The following EFL1 variants were observed in gnomAD, a reference collection of about 807,000 sequenced individuals.
The protein encoded by EFL1 is elongation factor-like GTPase 1.
A neutral mutation model predicts 126.7 loss-of-function variants in EFL1; 76 were observed. That is an observed-to-expected ratio of 0.60 (90% confidence interval 0.50 to 0.73). EFL1 has a LOEUF of 0.73. EFL1 is among the 30% of genes least tolerant of loss of function. The probability of loss-of-function intolerance (pLI) is 0.00; values close to 1 mark genes in which losing one functional copy is unlikely to be tolerated. For synonymous variants in EFL1, 410 were observed against 448.4 expected (o/e 0.91, Z 1.08); for missense variants, 1,128 against 1,343.2 (o/e 0.84, Z 2.50).
intron 15 of EFL1, among the ~76,000 whole-genome samples, chr15:82,210,546 C>T (rs2074573012): frequency 6.6e-6 from 1 of 152,144 alleles, no homozygotes; most frequent in Non-Finnish European, 1.5e-5. Flanking sequence ...CTTTAGCCCC[C>T]AGGCTTTGGG....
chr15:82,220,168 T>C lies in EFL1; in HGVS notation c.1354A>G (p.Lys452Glu). Residue 452 changes from lysine (K) to glutamate (E), a missense_variant, in exon 13 of 20, where the codon AAG (lysine) becomes GAG (glutamate). By Grantham distance (56) the Lys-to-Glu change is moderately conservative. Around this residue, in one of 6 missense-constraint regions of EFL1, gnomAD observed 120 missense variants for 142.1 expected, o/e 0.84. Coordinates refer to ENST00000268206, the MANE Select transcript of EFL1 (RefSeq NM_024580.6). The stretch of plus-strand genomic sequence containing the variant: ...GCCTGTCCCTGTGCTGCTGCAAGCT[T>C]CTCTGCATGCCTTTGTCTTGCACGC... ...RERARQRHAE[K>E]LAAAQGQAPL... 1 of 1,613,824 alleles carries C rather than the reference T, an allele frequency of 6.2e-7. No homozygotes were observed. The highest frequency in any genetic ancestry group is 8.5e-7 in the Non-Finnish European group (1 of 1,179,850).
At chr15:82,222,734 A>G (rs1444783483) in intron 12 of EFL1, among the ~76,000 whole-genome samples, 2 of 152,190 alleles carry the variant, frequency 1.3e-5, no homozygotes, top group Non-Finnish European at 2.9e-5. Flanking sequence ...GAACAAAGAA[A>G]TTTAATTACA....
chr15:82,234,465 T>C (rs1343708942), intron 7 of EFL1, among the ~76,000 whole-genome samples: 2 of 152,162 alleles, frequency 1.3e-5, no homozygotes, highest in Non-Finnish European at 2.9e-5. Context: ...CATATATGCA[T>C]TACTTCAATT....
chr15:82,182,478 T>C (rs1247881408), intron 15 of EFL1, among the ~76,000 whole-genome samples: 1 of 152,156 alleles, frequency 6.6e-6, no homozygotes, highest in Non-Finnish European at 1.5e-5. Context: ...TGAAGTATTA[T>C]TCTGTTAGAA....
chr15:82,229,100 T>G lies in EFL1; in HGVS notation c.866A>C (p.Lys289Thr). The G allele has an allele frequency of 6.2e-7, 1 of 1,611,004 alleles. No individual in the cohort carries two copies. Among genetic ancestry groups the G allele is most frequent in the Non-Finnish European group, 8.5e-7 (1 of 1,179,442 alleles). Residue 289 changes from lysine to threonine, a missense_variant, in exon 9 of 20, where the codon AAG becomes ACG. Lys to Thr is a moderately conservative substitution (Grantham distance 78, BLOSUM62 -1). Around this residue, in one of 6 missense-constraint regions of EFL1, gnomAD observed 316 missense variants for 318.5 expected, o/e 0.99. Transcript: ENST00000268206. ...GATCAACTGTACAAATAAAGGTTTC[T>G]TTCCTTTGGCCTGTACAAAAGAACA... Reference protein sequence around the residue: ...KIMKGDQAKGKKPLFVQLILE... With the variant: ...KIMKGDQAKGTKPLFVQLILE...
chr15:82,142,496 G>A (rs571767609), intron 18 of EFL1, among the ~76,000 whole-genome samples: 93 of 152,082 alleles, frequency 6.1e-4, no homozygotes, highest in African/African-American at 2.1e-3. Flanking sequence ...TGGGAGGGAG[G>A]GATGGAGGCA....
At chr15:82,148,749 T>C (rs1248672273) in intron 18 of EFL1, among the ~76,000 whole-genome samples, 1 of 152,204 alleles carries the variant, frequency 6.6e-6, no homozygotes, top group Non-Finnish European at 1.5e-5. Context: ...TGAGAAATTA[T>C]GAATAGTAAG....
chr15:82,190,302 T>C (rs2074346033), intron 15 of EFL1, among the ~76,000 whole-genome samples: 1 of 152,230 alleles, frequency 6.6e-6, no homozygotes, highest in Non-Finnish European at 1.5e-5. Context: ...GTTTTTCTTA[T>C]CTGCTCTGAT....
At chr15:82,193,834 T>A (rs1005358817) in intron 15 of EFL1, among the ~76,000 whole-genome samples, 11 of 152,318 alleles carry the variant, frequency 7.2e-5, no homozygotes, top group African/African-American at 2.6e-4. Flanking sequence ...CTTCAACCTC[T>A]TTCAAGAACT....
At chr15:82,220,350 A>G (rs1042910772) in intron 12 of EFL1, 121 bp from the exon 13 acceptor site, 6 of 1,240,110 alleles carry the variant, frequency 4.8e-6, no homozygotes, top group Admixed American at 4.9e-5. Flanking sequence ...AATTTTGTCC[A>G]AGTCCTCTCC....
intron 16 of EFL1, among the ~76,000 whole-genome samples, chr15:82,159,040 T>C (rs1239039645): frequency 6.6e-6 from 1 of 152,204 alleles, no homozygotes; most frequent in Non-Finnish European, 1.5e-5. Context: ...GGTCAGGTGA[T>C]CAAAAGCCAC....
intron 19 of EFL1, among the ~76,000 whole-genome samples, chr15:82,136,967 C>G (rs1292138945): frequency 2.0e-5 from 3 of 151,040 alleles, no homozygotes; most frequent in Admixed American, 2.0e-4. Flanking sequence ...ACCAAAAAAA[C>G]GTAACCTAAA....
chr15:82,212,930 C>T (rs1168454017), intron 15 of EFL1, among the ~76,000 whole-genome samples: 4 of 152,164 alleles, frequency 2.6e-5, no homozygotes, highest in African/African-American at 4.8e-5. Flanking sequence ...TCTCTTCCTG[C>T]GAGGAATGTG....
intron 15 of EFL1, among the ~76,000 whole-genome samples, chr15:82,211,692 C>A (rs143961771): frequency 9.3e-5 from 14 of 149,998 alleles, no homozygotes; most frequent in Middle Eastern, 6.9e-3. Context: ...ATTAAACACC[C>A]TGGCTTATGA....
chr15:82,163,056 G>A (rs941053000), intron 16 of EFL1, among the ~76,000 whole-genome samples: 8 of 152,208 alleles, frequency 5.3e-5, no homozygotes, highest in Middle Eastern at 3.2e-3. Context: ...CAAAGACTAA[G>A]GAGTTGTTAT....
At chr15:82,243,991 A>T (rs1203021267) in intron 4 of EFL1, among the ~76,000 whole-genome samples, 1 of 152,146 alleles carries the variant, frequency 6.6e-6, no homozygotes, top group East Asian at 1.9e-4. Context: ...CTGTAAAAGA[A>T]GTTTGTCCAA....
chr15:82,245,202 G>C lies in EFL1; in HGVS notation c.245-3799C>G, dbSNP rs564712995. The stretch of plus-strand genomic sequence containing the variant: ...GGGTCTCACTGAAACATTCAGGCTG[G>C]ATGCAGTGGCACAATCATAGCTCAC... On this transcript the variant is annotated intron_variant, in intron 4 of 19. Coordinates refer to ENST00000268206, the MANE Select transcript of EFL1 (RefSeq NM_024580.6). Among the ~76,000 whole-genome samples, 5 of 152,082 alleles carry C rather than the reference G, an allele frequency of 3.3e-5. No individual in the cohort carries two copies. The East Asian group carries it at 9.7e-4, about 29-fold the overall frequency.
chr15:82,246,165 C>A (rs751469894), intron 4 of EFL1, among the ~76,000 whole-genome samples: 2 of 152,048 alleles, frequency 1.3e-5, no homozygotes, highest in Non-Finnish European at 2.9e-5. Flanking sequence ...ATCTGCCACC[C>A]AGTACTGTGG....
At chr15:82,136,313 A>G (rs953485146) in intron 19 of EFL1, among the ~76,000 whole-genome samples, 5 of 152,182 alleles carry the variant, frequency 3.3e-5, no homozygotes, top group African/African-American at 1.2e-4. Flanking sequence ...GTTCTGATCA[A>G]ACATACTATA....
Sources: allele counts gnomAD v4.1 joint callset (sites outside exome capture counted in the v4.1 genomes callset), GRCh38; gene constraint gnomAD v4.1.1; regional missense constraint gnomAD v4.1.1; transcripts MANE v1.5; gene names NCBI Gene and HGNC (gene_info 2026-07-23, HGNC 2026-07-21).